Variants in GRM5 observed in about 807,000 individuals in gnomAD.
GRM5 encodes the protein metabotropic glutamate receptor 5.
A neutral mutation model predicts 83.1 loss-of-function variants in GRM5; 19 were observed. The ratio of observed to expected loss-of-function variants is 0.23; its 90% CI spans 0.16 to 0.34. The LOEUF is 0.34. GRM5 is among the 10% of genes least tolerant of loss of function. The pLI is 1.00. For synonymous variants in GRM5, 675 were observed against 633.6 expected (o/e 1.07, Z -0.98); for missense variants, 1,160 against 1,588.3 (o/e 0.73, Z 4.58).
chr11:88,983,536 C>T (rs1350102273), intron 2 of GRM5, among the ~76,000 whole-genome samples: 2 of 152,170 alleles, frequency 1.3e-5, no homozygotes, highest in South Asian at 2.1e-4. Flanking sequence ...GGTGTACAAA[C>T]CTCCTGTGCT....
chr11:88,881,535 A>G (rs535675175), intron 2 of GRM5, among the ~76,000 whole-genome samples: 2 of 152,326 alleles, frequency 1.3e-5, no homozygotes, highest in South Asian at 4.1e-4. Flanking sequence ...TGGAATAGCA[A>G]GCAAGCACGT....
rs559705765 is a variant in GRM5, at chr11:88,761,379, A to G, written c.911+88527T>C. Among the ~76,000 whole-genome samples the G allele has an allele frequency of 2.0e-5, 3 of 152,288 alleles. No individual in the cohort carries two copies. In the East Asian group the frequency reaches 5.8e-4, roughly 29 times the overall value. On this transcript the variant is annotated intron_variant, in intron 3 of 9. Transcript: ENST00000305447. ...TTTAGGCTACAAAACCAACATTAAA[A>G]TGTTCACTAGTATTCCTAAACACCA...
At chr11:88,528,054 C>T (rs1051292459) in intron 8 of GRM5, among the ~76,000 whole-genome samples, 2 of 151,932 alleles carry the variant, frequency 1.3e-5, no homozygotes, top group African/African-American at 4.8e-5. Context: ...ACCTATAAAA[C>T]AAACCTGCAC....
intron 2 of GRM5, among the ~76,000 whole-genome samples, chr11:88,916,864 A>G (rs1945603540): frequency 6.6e-6 from 1 of 152,202 alleles, no homozygotes; most frequent in Admixed American, 6.5e-5. Context: ...ATACTAGGAC[A>G]TAGCTCCCAG....
intron 3 of GRM5, among the ~76,000 whole-genome samples, chr11:88,722,463 T>A (rs1282494744): frequency 6.6e-6 from 1 of 152,078 alleles, no homozygotes; most frequent in Non-Finnish European, 1.5e-5. Flanking sequence ...AGGAATTACT[T>A]TATGGTAACT....
intron 2 of GRM5, among the ~76,000 whole-genome samples, chr11:88,856,001 C>T (rs1042852929): frequency 3.9e-5 from 6 of 152,014 alleles, no homozygotes; most frequent in Admixed American, 2.0e-4. Context: ...AATACTTTTT[C>T]AGAAAGTATT....
chr11:88,613,538 A>C, intron 4 of GRM5, among the ~76,000 whole-genome samples: 1 of 152,148 alleles, frequency 6.6e-6, no homozygotes, highest in Admixed American at 6.6e-5. Context: ...TGCCTGATAG[A>C]TCTTTCTCCA....
At chr11:88,590,534 A>AC (rs1246605852) in intron 7 of GRM5, 67 bp downstream of exon 7, 1 of 1,295,734 alleles carries the variant, frequency 7.7e-7, no homozygotes, top group Non-Finnish European at 1.1e-6. Flanking sequence ...TGGGGATGTG[A>AC]CCCCCCTCTC....
intron 3 of GRM5, among the ~76,000 whole-genome samples, chr11:88,777,678 C>T (rs1341003076): frequency 6.6e-6 from 1 of 152,214 alleles, no homozygotes; most frequent in Non-Finnish European, 1.5e-5. Context: ...AGTTTTCCTT[C>T]TAACAGTCAG....
chr11:88,761,578 C>T (rs1462292375), intron 3 of GRM5, among the ~76,000 whole-genome samples: 1 of 152,060 alleles, frequency 6.6e-6, no homozygotes. Context: ...AAAAATCATT[C>T]CATGTTGATG....
At chr11:88,683,030 C>A (rs1940533164) in intron 3 of GRM5, among the ~76,000 whole-genome samples, 1 of 151,726 alleles carries the variant, frequency 6.6e-6, no homozygotes, top group Admixed American at 6.6e-5. Flanking sequence ...TAGTTAATTT[C>A]TTAACTCATA....
chr11:88,718,471 A>G (rs1048513510), intron 3 of GRM5, among the ~76,000 whole-genome samples: 1 of 151,982 alleles, frequency 6.6e-6, no homozygotes, highest in Non-Finnish European at 1.5e-5. Flanking sequence ...CATTTACTCT[A>G]TGCTTTCTGT....
intron 2 of GRM5, among the ~76,000 whole-genome samples, chr11:88,964,342 G>A (rs896930848): frequency 8.0e-5 from 12 of 149,734 alleles, no homozygotes; most frequent in African/African-American, 2.9e-4. Context: ...TTTTCTGAGA[G>A]TAACAGTAGA....
At position 88,892,120 on chromosome 11, in the gene GRM5, G is replaced by A. The variant is rs547094723; in HGVS notation, c.662-41965C>T. ...CCATCTGTGAGTAACCTTAACTTACGGCAATATAGTTGTTTGCATCAGTGC... is the reference window on the plus strand; with the variant it reads ...CCATCTGTGAGTAACCTTAACTTACAGCAATATAGTTGTTTGCATCAGTGC... On this transcript the variant is annotated intron_variant, in intron 2 of 9. Coordinates refer to ENST00000305447, the MANE Select transcript of GRM5 (RefSeq NM_001143831.3). 8.0e-5 allele frequency among the ~76,000 whole-genome samples: 12 copies of A among 150,340 alleles called. No individual in the cohort carries two copies. The East Asian group carries it at 1.8e-3, about 22-fold the overall frequency.
chr11:88,963,318 C>T (rs563988906), intron 2 of GRM5, among the ~76,000 whole-genome samples: 10 of 152,232 alleles, frequency 6.6e-5, no homozygotes, highest in East Asian at 1.9e-4. Context: ...AATAAAATTA[C>T]GAATTAAAAG....
chr11:88,597,520 C>G (rs1428003811), intron 5 of GRM5, among the ~76,000 whole-genome samples, 168 bp from the exon 6 acceptor site: 1 of 152,064 alleles, frequency 6.6e-6, no homozygotes, highest in Non-Finnish European at 1.5e-5. Flanking sequence ...ATTTTACTTT[C>G]TCTGCAGAGA....
intron 8 of GRM5, among the ~76,000 whole-genome samples, chr11:88,566,191 T>C (rs1250362881): frequency 6.6e-6 from 1 of 152,228 alleles, no homozygotes; most frequent in African/African-American, 2.4e-5. Context: ...AGGTGATACT[T>C]AGTCCCAGTT....
chr11:88,892,179 A>C (rs1475796665), intron 2 of GRM5, among the ~76,000 whole-genome samples: 1 of 148,958 alleles, frequency 6.7e-6, no homozygotes. Flanking sequence ...TTTTTTCAAT[A>C]AGACACAATT....
intron 3 of GRM5, among the ~76,000 whole-genome samples, chr11:88,708,547 C>G (rs1941211838): frequency 6.6e-6 from 1 of 152,078 alleles, no homozygotes; most frequent in Non-Finnish European, 1.5e-5. Context: ...TTTTCCTTTT[C>G]TGAGATTGTT....
Sources: gnomAD v4.1 joint callset for allele counts (sites outside exome capture counted in the v4.1 genomes callset) on GRCh38, gnomAD v4.1.1 for gene constraint, MANE v1.5 for transcripts, NCBI Gene and HGNC (gene_info 2026-07-23, HGNC 2026-07-21) for gene names.